The following GBE1 variants were observed in gnomAD, a reference collection of about 807,000 sequenced individuals.
GBE1 encodes 1,4-alpha-glucan branching enzyme 1.
Under a neutral mutation model 88.8 loss-of-function variants are expected in GBE1, and 70 were observed. The ratio of observed to expected loss-of-function variants is 0.79; its 90% CI spans 0.65 to 0.96. The LOEUF (loss-of-function observed/expected upper bound fraction) is 0.96, where lower values mean the gene tolerates loss of function less well. Ranked by LOEUF, GBE1 falls within the 40% of genes least tolerant of loss-of-function variation. The pLI is 0.00. For missense variants in GBE1, 872 were observed against 871.0 expected, an observed-to-expected ratio of 1.00 and a Z score of -0.01; for synonymous variants, 284 against 300.1, an observed-to-expected ratio of 0.95 and a Z score of 0.56.
At chr3:81,600,981 AT>A (rs1440015187) in intron 7 of GBE1, among the ~76,000 whole-genome samples, 1 of 152,150 alleles carries the variant, frequency 6.6e-6, no homozygotes, top group African/African-American at 2.4e-5. Context: ...GCTATTGATT[AT>A]ATTTAAATTT....
At chr3:81,686,863 C>T (rs921422936) in intron 2 of GBE1, among the ~76,000 whole-genome samples, 5 of 152,102 alleles carry the variant, frequency 3.3e-5, no homozygotes, top group South Asian at 2.1e-4. Flanking sequence ...ATTCTTATTA[C>T]GTAGGTATTT....
chr3:81,665,460 C>T (rs191237986), intron 3 of GBE1, among the ~76,000 whole-genome samples: 2,802 of 149,804 alleles, frequency 0.019, 44 homozygotes, highest in Middle Eastern at 0.057. Context: ...GGCGTGAACC[C>T]GGGAGGCAGA....
intron 1 of GBE1, among the ~76,000 whole-genome samples, chr3:81,746,787 C>T (rs1388076735): frequency 6.6e-6 from 1 of 152,018 alleles, no homozygotes; most frequent in Non-Finnish European, 1.5e-5. Flanking sequence ...AATAAATTCC[C>T]ATATATATCA....
At chr3:81,509,648 T>A (rs1702699710) in intron 14 of GBE1, 1 of 151,926 alleles carries the variant, frequency 6.6e-6, no homozygotes, top group South Asian at 2.1e-4. Flanking sequence ...ATTATTTTCC[T>A]TTGCAGTCTC....
At chr3:81,713,349 G>C (rs1705897797) in intron 1 of GBE1, among the ~76,000 whole-genome samples, 1 of 152,204 alleles carries the variant, frequency 6.6e-6, no homozygotes, top group Non-Finnish European at 1.5e-5. Flanking sequence ...TTGACGACAT[G>C]ACGACTAGCT....
At chr3:81,728,638 G>A (rs1216624175) in intron 1 of GBE1, among the ~76,000 whole-genome samples, 4 of 151,982 alleles carry the variant, frequency 2.6e-5, no homozygotes, top group African/African-American at 9.7e-5. Flanking sequence ...TGGAAAGAGA[G>A]GAGGAGGAGA....
intron 1 of GBE1, among the ~76,000 whole-genome samples, chr3:81,747,261 A>T (rs1290468686): frequency 2.0e-5 from 3 of 152,234 alleles, no homozygotes; most frequent in Non-Finnish European, 4.4e-5. Context: ...ACTAAAATTT[A>T]AAAATTTTGC....
At chr3:81,598,627 A>G (rs1703989947) in intron 7 of GBE1, among the ~76,000 whole-genome samples, 1 of 151,974 alleles carries the variant, frequency 6.6e-6, no homozygotes. Flanking sequence ...TTAAGAGAAA[A>G]CTTGAAATGA....
intron 3 of GBE1, among the ~76,000 whole-genome samples, chr3:81,661,810 T>A (rs190326063): frequency 3.2e-4 from 49 of 152,010 alleles, no homozygotes; most frequent in African/African-American, 1.1e-3. Context: ...TTTTAAAAAA[T>A]AATAATAATA....
intron 2 of GBE1, among the ~76,000 whole-genome samples, chr3:81,703,246 T>A (rs2680250): frequency 0.016 from 2,403 of 152,054 alleles, 58 homozygotes; most frequent in African/African-American, 0.054. Flanking sequence ...AAAGAAAAAA[T>A]TATTAATAAC....
rs546587699 is a variant in GBE1 at position 81,558,586 on chromosome 3, A to T, written c.1618+19339T>A. On this transcript the variant is annotated intron_variant, in intron 12 of 15. Coordinates refer to ENST00000429644, the MANE Select transcript of GBE1 (RefSeq NM_000158.4). ...CTTACAATTGAACTTTCCAAGACAA[A>T]ACAAGATAGCAGTTATGAAAATATT... 4.6e-5 allele frequency among the ~76,000 whole-genome samples: 7 copies of T among 152,192 alleles called. No homozygotes were observed. The East Asian group carries it at 1.4e-3, about 29-fold the overall frequency.
intron 2 of GBE1, among the ~76,000 whole-genome samples, chr3:81,687,794 G>T (rs893700570): frequency 6.6e-6 from 1 of 152,190 alleles, no homozygotes; most frequent in South Asian, 2.1e-4. Flanking sequence ...CGTTGAAAAA[G>T]AGATCAAGGA....
intron 2 of GBE1, among the ~76,000 whole-genome samples, chr3:81,684,946 C>T (rs3772899): frequency 1.1e-4 from 16 of 152,084 alleles, no homozygotes; most frequent in Non-Finnish European, 2.1e-4. Context: ...GCTACTCTCT[C>T]GATATTCAAC....
intron 7 of GBE1, among the ~76,000 whole-genome samples, chr3:81,624,381 G>A (rs1454037072): frequency 6.6e-6 from 1 of 152,078 alleles, no homozygotes; most frequent in Non-Finnish European, 1.5e-5. Flanking sequence ...ACCATACCAG[G>A]ATTCTCACAA....
chr3:81,507,120 T>C (rs1157659033), intron 14 of GBE1, among the ~76,000 whole-genome samples: 5 of 152,030 alleles, frequency 3.3e-5, no homozygotes, highest in Non-Finnish European at 7.4e-5. Flanking sequence ...TTTTCAAAAC[T>C]ATTTATGGCC....
intron 15 of GBE1, among the ~76,000 whole-genome samples, chr3:81,491,396 G>T (rs529965430): frequency 6.6e-6 from 1 of 152,066 alleles, no homozygotes; most frequent in Non-Finnish European, 1.5e-5. Flanking sequence ...CTAACCCTCA[G>T]TTGGTGCCAC....
intron 5 of GBE1, among the ~76,000 whole-genome samples, chr3:81,647,251 C>T (rs1182201441): frequency 1.3e-5 from 2 of 152,158 alleles, no homozygotes; most frequent in Non-Finnish European, 2.9e-5. Context: ...AGCCACCGCG[C>T]CCAGCCTGCA....
rs1225112913 is a variant in GBE1, at chr3:81,750,589, GTA to G, written c.143+10784_143+10785del. On this transcript the variant is annotated intron_variant, in intron 1 of 15. Transcript: ENST00000429644. ...TATATATATATACGTATATATATAC[GTA>G]TATATATATGTGTATATATATATAT... Among the ~76,000 whole-genome samples, 260 of 30,794 alleles carry G rather than the reference GTA, an allele frequency of 8.4e-3. 11 individuals carry two copies. The highest frequency in any genetic ancestry group is 0.017 in the Middle Eastern group (1 of 60). The allele number at this position is 30,794 out of a possible 152,430, so 20.2% of individuals were successfully genotyped here.
At chr3:81,616,838 CCATTT>C (rs1480665913) in intron 7 of GBE1, among the ~76,000 whole-genome samples, 1 of 151,934 alleles carries the variant, frequency 6.6e-6, no homozygotes, top group East Asian at 1.9e-4. Flanking sequence ...GTATGCATCT[CCATTT>C]ATTTAAATTT....
Sources: gnomAD v4.1 joint callset for allele counts (sites outside exome capture counted in the v4.1 genomes callset) on GRCh38, gnomAD v4.1.1 for gene constraint, MANE v1.5 for transcripts, NCBI Gene and HGNC (gene_info 2026-07-23, HGNC 2026-07-21) for gene names.